Variants in CCSER1 observed in about 807,000 individuals in gnomAD.
CCSER1 encodes serine-rich coiled-coil domain-containing protein 1.
A neutral mutation model predicts 82.0 loss-of-function variants in CCSER1; 41 were observed. That is an observed-to-expected ratio of 0.50 (90% CI 0.39 to 0.65). CCSER1 has a LOEUF of 0.65. CCSER1 is among the 30% of genes least tolerant of loss of function. The probability of loss-of-function intolerance (pLI) is 0.00; values close to 1 mark genes in which losing one functional copy is unlikely to be tolerated. For synonymous variants in CCSER1, 414 were observed against 383.9 expected, an observed-to-expected ratio of 1.08 and a Z score of -0.92; for missense variants, 1,119 against 1,064.2, an observed-to-expected ratio of 1.05 and a Z score of -0.72.
At chr4:91,471,917 C>A (rs1417678634) in intron 10 of CCSER1, among the ~76,000 whole-genome samples, 3 of 143,252 alleles carry the variant, frequency 2.1e-5, no homozygotes, top group Non-Finnish European at 4.5e-5. Flanking sequence ...TTGCAGTGAG[C>A]TGAGATCGTG....
chr4:91,409,299 AATTT>A (rs1391557820), intron 10 of CCSER1, among the ~76,000 whole-genome samples: 2 of 152,072 alleles, frequency 1.3e-5, no homozygotes, highest in Admixed American at 6.6e-5. Flanking sequence ...TATATTGCCC[AATTT>A]ATTCATTTTA....
intron 6 of CCSER1, among the ~76,000 whole-genome samples, chr4:90,713,259 G>A (rs563760505): frequency 4.7e-4 from 71 of 151,902 alleles, no homozygotes; most frequent in Non-Finnish European, 9.3e-4. Flanking sequence ...GTACTTCAGT[G>A]TGTTTTTGTA....
intron 9 of CCSER1, among the ~76,000 whole-genome samples, chr4:91,069,210 A>G (rs760197474): frequency 1.7e-3 from 258 of 152,168 alleles, no homozygotes; most frequent in Middle Eastern, 3.2e-3. Flanking sequence ...AAAAGACAAG[A>G]AAATCCTAGA....
chr4:90,504,010 A>G (rs940709441), intron 5 of CCSER1, among the ~76,000 whole-genome samples: 1 of 152,012 alleles, frequency 6.6e-6, no homozygotes, highest in East Asian at 1.9e-4. Flanking sequence ...TACCTTTATC[A>G]CCAAAAATAC....
Position 90,484,595 on chromosome 4 carries a change from G to A in CCSER1, c.1724+16241G>A, listed in dbSNP as rs188491871. 1.9e-4 allele frequency among the ~76,000 whole-genome samples: 29 copies of A among 152,300 alleles called. No homozygotes were observed. The East Asian group carries it at 3.3e-3, about 17-fold the overall frequency. ...TTGTTAGTTTTCCTTCTAACAGTCA[G>A]GACCCTCAGCTGCAGGTCTGTTGGA... On this transcript the variant is annotated intron_variant, in intron 5 of 10. Coordinates refer to ENST00000509176, the MANE Select transcript of CCSER1 (RefSeq NM_001145065.2).
intron 9 of CCSER1, among the ~76,000 whole-genome samples, chr4:90,981,226 C>T (rs1184772488): frequency 1.3e-5 from 2 of 151,784 alleles, no homozygotes; most frequent in African/African-American, 2.4e-5. Context: ...TATTTCTTTT[C>T]TTCCCCTTTC....
chr4:90,746,082 C>T (rs980549698), intron 7 of CCSER1, among the ~76,000 whole-genome samples: 2 of 152,116 alleles, frequency 1.3e-5, no homozygotes, highest in African/African-American at 4.8e-5. Flanking sequence ...AATGCCATCT[C>T]CTCTACAAGA....
At chr4:90,974,200 G>A (rs1735386269) in intron 9 of CCSER1, among the ~76,000 whole-genome samples, 1 of 151,468 alleles carries the variant, frequency 6.6e-6, no homozygotes, top group Non-Finnish European at 1.5e-5. Flanking sequence ...GCTAACAGTA[G>A]ATTTTAAGTG....
intron 3 of CCSER1, among the ~76,000 whole-genome samples, chr4:90,379,134 A>C (rs1231146573): frequency 1.3e-5 from 2 of 152,206 alleles, no homozygotes; most frequent in Non-Finnish European, 2.9e-5. Context: ...ACAGCAACAC[A>C]GATTTATTTC....
At chr4:90,800,863 G>A (rs1231117357) in intron 7 of CCSER1, among the ~76,000 whole-genome samples, 2 of 151,946 alleles carry the variant, frequency 1.3e-5, no homozygotes, top group African/African-American at 4.8e-5. Flanking sequence ...AAATACCAAT[G>A]TTTATTTTTA....
chr4:90,711,162 AT>A (rs1182367112), intron 6 of CCSER1, among the ~76,000 whole-genome samples: 2 of 152,028 alleles, frequency 1.3e-5, no homozygotes, highest in African/African-American at 4.8e-5. Flanking sequence ...AATGCTAGTG[AT>A]TTTTACACAT....
chr4:91,107,893 T>A (rs1049017344), intron 10 of CCSER1: 2 of 152,060 alleles, frequency 1.3e-5, no homozygotes, highest in Non-Finnish European at 2.9e-5. Flanking sequence ...TCAGTAGGGA[T>A]TGAGTGAGGA....
At chr4:91,423,292 T>C (rs1578416719) in intron 10 of CCSER1, among the ~76,000 whole-genome samples, 1 of 148,958 alleles carries the variant, frequency 6.7e-6, no homozygotes, top group East Asian at 2.0e-4. Context: ...TAGCCAGGCA[T>C]GATGGAAAGT....
intron 10 of CCSER1, among the ~76,000 whole-genome samples, chr4:91,528,297 C>A (rs1760865663): frequency 6.6e-6 from 1 of 152,128 alleles, no homozygotes; most frequent in African/African-American, 2.4e-5. Context: ...TCTAAATTAT[C>A]AACCAATAAT....
At chr4:90,871,010 C>T (rs910818322) in intron 8 of CCSER1, among the ~76,000 whole-genome samples, 14 of 150,686 alleles carry the variant, frequency 9.3e-5, no homozygotes, top group Non-Finnish European at 2.1e-4. Flanking sequence ...TTGAATTTCT[C>T]CACTATCTGT....
chr4:90,739,054 C>T (rs925236689), intron 7 of CCSER1, among the ~76,000 whole-genome samples: 7 of 152,222 alleles, frequency 4.6e-5, no homozygotes, highest in Admixed American at 3.3e-4. Context: ...ATAGCCACCA[C>T]AGCTGTGAAT....
At chr4:90,791,241 TGTG>T (rs1755190474) in intron 7 of CCSER1, among the ~76,000 whole-genome samples, 1 of 152,114 alleles carries the variant, frequency 6.6e-6, no homozygotes, top group Non-Finnish European at 1.5e-5. Flanking sequence ...TCCCATGACA[TGTG>T]GGGATTAAGG....
chr4:90,234,299 G>C (rs6823501), intron 1 of CCSER1, among the ~76,000 whole-genome samples: 99,052 of 151,422 alleles, frequency 0.65, 34,864 homozygotes, highest in African/African-American at 0.91. Context: ...TCACTGCAAA[G>C]TTTTGCTCCC....
intron 6 of CCSER1, among the ~76,000 whole-genome samples, chr4:90,712,254 T>C (rs1220010255): frequency 1.3e-5 from 2 of 152,084 alleles, no homozygotes; most frequent in Non-Finnish European, 2.9e-5. Flanking sequence ...ACTTGAGATA[T>C]TTATAACTTT....
Sources: gnomAD v4.1 joint callset for allele counts (sites outside exome capture counted in the v4.1 genomes callset) on GRCh38, gnomAD v4.1.1 for gene constraint, MANE v1.5 for transcripts, NCBI Gene and HGNC (gene_info 2026-07-23, HGNC 2026-07-21) for gene names.